Variants in MRPS18C observed in about 807,000 individuals in gnomAD.
MRPS18C encodes the protein small ribosomal subunit protein bS18m.
In MRPS18C, 21 loss-of-function variants were observed where a neutral mutation model predicts 21.0. The observed-to-expected ratio is 1.00, with a 90% confidence interval of 0.71 to 1.44. The LOEUF is 1.44. Among genes scored for constraint, MRPS18C ranks in the 40% most tolerant of loss-of-function variants. The pLI is 0.00. For missense variants in MRPS18C, 152 were observed against 171.5 expected, an observed-to-expected ratio of 0.89 and a Z score of 0.64; for synonymous variants, 65 against 54.3, an observed-to-expected ratio of 1.20 and a Z score of -0.87.
chr4:83,462,017 T>A lies in MRPS18C; in HGVS notation c.*820T>A. On this transcript the variant is annotated 3_prime_UTR_variant, in exon 6 of 6. Transcript: ENST00000295491. Reference sequence around the variant, plus strand: ...TTAATGACTCAGATAAATTTTCATATAAATTTCTTTCCATATTTTGAAAAT... The same window carrying A: ...TTAATGACTCAGATAAATTTTCATAAAAATTTCTTTCCATATTTTGAAAAT... 1 of 228,530 alleles carries A rather than the reference T, an allele frequency of 4.4e-6. No homozygotes were observed. Among genetic ancestry groups the A allele is most frequent in the Non-Finnish European group, 8.7e-6 (1 of 115,140 alleles). The allele number at this position is 228,530 out of a possible 1,614,324, so 14.2% of individuals were successfully genotyped here. A position where few individuals can be genotyped will look rare whatever the true frequency, so the allele number is the denominator to read the frequency against.
At chr4:83,459,989 A>G in intron 4 of MRPS18C, 192 bp downstream of exon 4, 2 of 456,122 alleles carry the variant, frequency 4.4e-6, no homozygotes, top group Non-Finnish European at 7.7e-6. Flanking sequence ...TGTCTTATGC[A>G]GAGTTAACTA....
chr4:83,456,967 T>C lies in MRPS18C; in HGVS notation c.150+9T>C, dbSNP rs371764581. 9 of 1,610,960 alleles carry C rather than the reference T, an allele frequency of 5.6e-6. No individual in the cohort carries two copies. Among genetic ancestry groups the C allele is most frequent in the Non-Finnish European group, 7.6e-6 (9 of 1,179,490 alleles). ...CCAGCAATGAGGACCTGGTAAGAAT[T>C]TTTTTTTCTATTAGTAAGGCCTTTG... On this transcript the variant is annotated intron_variant, in intron 2 of 5. Transcript: ENST00000295491.
At chr4:83,459,821 A>C (rs1446279568) in intron 4 of MRPS18C, 24 bp downstream of exon 4, 12 of 1,528,714 alleles carry the variant, frequency 7.8e-6, no homozygotes, top group Non-Finnish European at 9.0e-6. Flanking sequence ...TATTATGGGA[A>C]TATAAATGTA....
intron 4 of MRPS18C, chr4:83,460,475 GT>G (rs2110030354): frequency 6.5e-6 from 1 of 153,976 alleles, no homozygotes; most frequent in Admixed American, 6.5e-5. Context: ...TTGTAGTTTT[GT>G]TTACGTAGTG....
chr4:83,460,912 A>G, intron 4 of MRPS18C, 61 bp from the exon 5 acceptor site: 1 of 1,514,014 alleles, frequency 6.6e-7, no homozygotes, highest in Non-Finnish European at 9.0e-7. Flanking sequence ...TCTCAAAAAA[A>G]AAAATTGCAA....
rs572262642 is a variant in MRPS18C, at chr4:83,458,186, C to T, written c.151-160C>T. The T allele has an allele frequency of 1.3e-4, 69 of 545,966 alleles. 1 individual carries two copies. In the South Asian group the frequency reaches 1.5e-3, roughly 12 times the overall value. The allele number at this position is 545,966 out of a possible 1,614,324, so 33.8% of individuals were successfully genotyped here. A position where few individuals can be genotyped will look rare whatever the true frequency, so the allele number is the denominator to read the frequency against. On this transcript the variant is annotated intron_variant, in intron 2 of 5. Transcript: ENST00000295491. ...TTCCAGAATCTTCCCATGCGTTAATCCGTAGGCTAAACTAAAACAAAATAA... is the reference window on the plus strand; with the variant it reads ...TTCCAGAATCTTCCCATGCGTTAATTCGTAGGCTAAACTAAAACAAAATAA...
rs768298191 is a variant in MRPS18C, at chr4:83,461,175, G to GT, written c.408dup (p.Asn137Ter). The GT allele has an allele frequency of 1.1e-4, 182 of 1,612,426 alleles. No homozygotes were observed. Among genetic ancestry groups the GT allele is most frequent in the Non-Finnish European group, 1.5e-4 (180 of 1,179,626 alleles). ...GCATATCTCAAGGACCCTAAAGTTT[G>GT]TAACATCAGATATCGGGAATAAATT... On this transcript the variant is annotated frameshift_variant, in exon 6 of 6. Transcript: ENST00000295491. LOFTEE classifies it high-confidence loss of function.
At chr4:83,459,647 TTATATAACCTGAAGGTTG>T in intron 3 of MRPS18C, 75 bp from the exon 4 acceptor site, 1 of 1,091,244 alleles carries the variant, frequency 9.2e-7, no homozygotes. Context: ...TAGTAAAGCT[TTATATAACCTGAAGGTTG>T]TTTTTTGAAA....
At chr4:83,457,249 T>C (rs948247123) in intron 2 of MRPS18C, 7 of 287,334 alleles carry the variant, frequency 2.4e-5, no homozygotes, top group Middle Eastern at 1.0e-3. Context: ...GGATATGTGA[T>C]TTGGGAATTG....
In MRPS18C at chr4:83,458,331, C is replaced by T. The variant is rs373813546; in HGVS notation, c.151-15C>T. On this transcript the variant is annotated splice_polypyrimidine_tract_variant and intron_variant, in intron 2 of 5. Transcript: ENST00000295491. ...TAACACATCCTATTATCAGACTTTTCGTTTTTTTCCCTAGCCCATTTCAAT... is the reference window on the plus strand; with the variant it reads ...TAACACATCCTATTATCAGACTTTTTGTTTTTTTCCCTAGCCCATTTCAAT... 1.3e-4 allele frequency: 193 copies of T among 1,534,502 alleles called. No homozygotes were observed. The highest frequency in any genetic ancestry group is 1.7e-4 in the Middle Eastern group (1 of 5,904).
intron 4 of MRPS18C, 93 bp downstream of exon 4, chr4:83,459,890 G>A: frequency 9.1e-7 from 1 of 1,099,102 alleles, no homozygotes. Context: ...TTCAAATTGT[G>A]CTATAAATTA....
rs780022197 is a variant in MRPS18C at position 83,456,960 on chromosome 4, T to G, written c.150+2T>G. On this transcript the variant is annotated splice_donor_variant, in intron 2 of 5. Coordinates refer to ENST00000295491, the MANE Select transcript of MRPS18C (RefSeq NM_016067.4). LOFTEE classifies it high-confidence loss of function. ...CAGGTATCCAGCAATGAGGACCTGGTAAGAATTTTTTTTTCTATTAGTAAG... is the reference window on the plus strand; with the variant it reads ...CAGGTATCCAGCAATGAGGACCTGGGAAGAATTTTTTTTTCTATTAGTAAG... The G allele has an allele frequency of 9.3e-6, 15 of 1,611,284 alleles. No homozygotes were observed. The highest frequency in any genetic ancestry group is 1.3e-5 in the Non-Finnish European group (15 of 1,179,678).
intron 3 of MRPS18C, 41 bp from the exon 4 acceptor site, chr4:83,459,697 AAC>A (rs753013436): frequency 3.2e-5 from 49 of 1,546,540 alleles, no homozygotes; most frequent in Non-Finnish European, 4.1e-5. Flanking sequence ...AGAAATAAAT[AAC>A]AGATACTTTT....
At position 83,458,567 on chromosome 4, in the gene MRPS18C, A is replaced by G. The variant is rs6852306; in HGVS notation, c.234+138A>G. ...CTTCATAATTTCAAATTTGGTTATA[A>G]TTCTATGTATAAGCTTATCTCTGCT... is the stretch of plus-strand genomic sequence containing the variant. On this transcript the variant is annotated intron_variant, in intron 3 of 5. Transcript: ENST00000295491. 0.031 allele frequency: 18,818 copies of G among 605,206 alleles called. 2,664 individuals carry two copies. In the African/African-American group the frequency reaches 0.32, roughly 10 times the overall value. 37.5% of individuals were successfully genotyped at this position (605,206 alleles called of 1,614,324 possible).
At position 83,459,790 on chromosome 4, in the gene MRPS18C, C is replaced by T; in HGVS notation, c.285C>T (p.His95=). Residue 95 remains histidine, a synonymous_variant, in exon 4 of 6, where the codon CAC becomes CAT. Coordinates refer to ENST00000295491, the MANE Select transcript of MRPS18C (RefSeq NM_016067.4). Reference sequence around the variant, plus strand: ...TTACTGGATGCATTTATGGAAGGCACATTACAGGTATGTTCTTTTTTATTA... The same window carrying T: ...TTACTGGATGCATTTATGGAAGGCATATTACAGGTATGTTCTTTTTTATTA... ...SPFTGCIYGR[H]ITGLCGKKQK... is the part of the protein sequence containing the mutation. 1 of 1,602,502 alleles carries T rather than the reference C, an allele frequency of 6.2e-7. No homozygotes were observed. The highest frequency in any genetic ancestry group is 1.1e-5 in the South Asian group (1 of 90,028).
In MRPS18C at chr4:83,461,341, A is replaced by G; in HGVS notation, c.*144A>G. ...CTTCCCCTTCATACCAATGTCCATT[A>G]AGCAGATTGCTTATTTAAAATGTTA... On this transcript the variant is annotated 3_prime_UTR_variant, in exon 6 of 6. Coordinates refer to ENST00000295491, the MANE Select transcript of MRPS18C (RefSeq NM_016067.4). 1 of 652,266 alleles carries G rather than the reference A, an allele frequency of 1.5e-6. No homozygotes were observed. Among genetic ancestry groups the G allele is most frequent in the East Asian group, 2.7e-5 (1 of 37,372 alleles). The allele number at this position is 652,266 out of a possible 1,614,324, so 40.4% of individuals were successfully genotyped here. A position where few individuals can be genotyped will look rare whatever the true frequency, so the allele number is the denominator to read the frequency against.
intron 2 of MRPS18C, chr4:83,457,262 T>G (rs1290662914): frequency 1.2e-5 from 3 of 240,370 alleles, no homozygotes; most frequent in South Asian, 9.8e-5. Context: ...GGGAATTGTT[T>G]TTTTTTTTTT....
intron 3 of MRPS18C, chr4:83,459,491 A>G: frequency 5.6e-6 from 2 of 357,786 alleles, no homozygotes; most frequent in Non-Finnish European, 1.0e-5. Flanking sequence ...GGAAGTCAAG[A>G]AAACAGATTT....
chr4:83,456,795 A>G, intron 1 of MRPS18C, 114 bp from the exon 2 acceptor site: 1 of 1,042,994 alleles, frequency 9.6e-7, no homozygotes, highest in Non-Finnish European at 1.4e-6. Flanking sequence ...TATAATACAA[A>G]ACCTTTCTTT....
Sources: gnomAD v4.1 joint callset for allele counts on GRCh38, gnomAD v4.1.1 for gene constraint, MANE v1.5 for transcripts, NCBI Gene and HGNC (gene_info 2026-07-23, HGNC 2026-07-21) for gene names.